Variants in ADCY8 observed in about 807,000 individuals in gnomAD.
ADCY8 encodes adenylate cyclase 8.
ADCY8 carries 51 observed loss-of-function variants against 119.7 expected under a neutral mutation model. The ratio of observed to expected loss-of-function variants is 0.43; its 90% CI spans 0.34 to 0.54. ADCY8 has a LOEUF of 0.54. Among genes scored for constraint, ADCY8 ranks in the 20% least tolerant of loss-of-function variants. The probability of loss-of-function intolerance (pLI) is 0.03; values close to 1 mark genes in which losing one functional copy is unlikely to be tolerated. For synonymous variants in ADCY8, 665 were observed against 651.0 expected, an observed-to-expected ratio of 1.02 and a Z score of -0.33; for missense variants, 1,383 against 1,598.8, an observed-to-expected ratio of 0.87 and a Z score of 2.30.
At chr8:130,867,329 G>T (rs993209468) in intron 9 of ADCY8, among the ~76,000 whole-genome samples, 6 of 152,138 alleles carry the variant, frequency 3.9e-5, no homozygotes, top group African/African-American at 1.4e-4. Flanking sequence ...ACTATTATGA[G>T]CCTCAGTTCC....
intron 2 of ADCY8, among the ~76,000 whole-genome samples, chr8:130,968,112 A>G (rs1028317658): frequency 6.6e-6 from 1 of 152,142 alleles, no homozygotes; most frequent in African/African-American, 2.4e-5. Flanking sequence ...TGCAGGCAAT[A>G]AGAGGGACCG....
chr8:130,786,156 T>C (rs1196135470), intron 15 of ADCY8, among the ~76,000 whole-genome samples: 1 of 152,248 alleles, frequency 6.6e-6, no homozygotes, highest in Non-Finnish European at 1.5e-5. Context: ...ATCCCTGATA[T>C]TGCTTATTTA....
intron 1 of ADCY8, among the ~76,000 whole-genome samples, chr8:131,027,159 C>T (rs1374093147): frequency 6.6e-6 from 1 of 152,200 alleles, no homozygotes; most frequent in Admixed American, 6.5e-5. Flanking sequence ...CTCTGCCCCT[C>T]CTTTCCTTAA....
At chr8:130,788,598 G>C (rs1020473878) in intron 15 of ADCY8, among the ~76,000 whole-genome samples, 2 of 151,858 alleles carry the variant, frequency 1.3e-5, no homozygotes, top group Non-Finnish European at 2.9e-5. Flanking sequence ...ATAATATACT[G>C]TATATTTAAA....
intron 7 of ADCY8, among the ~76,000 whole-genome samples, chr8:130,885,922 G>A (rs1308963034): frequency 6.6e-6 from 1 of 152,062 alleles, no homozygotes; most frequent in Admixed American, 6.6e-5. Context: ...TGTGAGAGGT[G>A]ACATAGGACC....
chr8:130,787,493 TA>T (rs1815284099), intron 15 of ADCY8, among the ~76,000 whole-genome samples: 1 of 151,948 alleles, frequency 6.6e-6, no homozygotes, highest in African/African-American at 2.4e-5. Flanking sequence ...TATATGTGCA[TA>T]TATGTGTGTA....
At chr8:130,943,225 A>C (rs1447697863) in intron 4 of ADCY8, 126 bp downstream of exon 4, 1 of 659,164 alleles carries the variant, frequency 1.5e-6, no homozygotes, top group Non-Finnish European at 2.7e-6. Context: ...GTCAGGGTCC[A>C]TGCCTAGGGA....
At chr8:130,908,328 A>C (rs1819858092) in intron 6 of ADCY8, among the ~76,000 whole-genome samples, 1 of 152,232 alleles carries the variant, frequency 6.6e-6, no homozygotes, top group African/African-American at 2.4e-5. Context: ...TTGTTTGTCT[A>C]AATTCAGCAG....
chr8:130,900,588 C>T (rs141976465), intron 7 of ADCY8, among the ~76,000 whole-genome samples: 1 of 152,326 alleles, frequency 6.6e-6, no homozygotes, highest in East Asian at 1.9e-4. Flanking sequence ...TGGCCCCTTC[C>T]TTCTTAAAAT....
intron 10 of ADCY8, 80 bp downstream of exon 10, chr8:130,849,522 G>T (rs1817444178): frequency 1.4e-6 from 2 of 1,434,006 alleles, no homozygotes; most frequent in African/African-American, 2.8e-5. Context: ...GAAGGGTAAT[G>T]CAGGAAGCTG....
At chr8:130,954,435 C>A (rs1420234325) in intron 2 of ADCY8, among the ~76,000 whole-genome samples, 1 of 152,180 alleles carries the variant, frequency 6.6e-6, no homozygotes. Context: ...TGTGATCTGA[C>A]CATTCATCAG....
chr8:130,822,946 C>A (rs1298721736), intron 12 of ADCY8, among the ~76,000 whole-genome samples: 1 of 152,174 alleles, frequency 6.6e-6, no homozygotes, highest in Admixed American at 6.5e-5. Context: ...TGTGAAGCAC[C>A]TGACACATCA....
chr8:131,011,179 A>C (rs991762679), intron 1 of ADCY8, among the ~76,000 whole-genome samples: 1 of 151,816 alleles, frequency 6.6e-6, no homozygotes, highest in Non-Finnish European at 1.5e-5. Context: ...TGAATGAAAA[A>C]AAAAAAAAGA....
intron 1 of ADCY8, among the ~76,000 whole-genome samples, chr8:131,036,809 T>C (rs901438850): frequency 1.3e-5 from 2 of 152,176 alleles, no homozygotes; most frequent in South Asian, 2.1e-4. Context: ...AATAGCATAT[T>C]TGGAGCCTAA....
chr8:130,808,755 T>G (rs1816064739), intron 14 of ADCY8, among the ~76,000 whole-genome samples: 1 of 152,312 alleles, frequency 6.6e-6, no homozygotes, highest in African/African-American at 2.4e-5. Context: ...ATTTCCCCTA[T>G]TAATCAGATG....
chr8:130,855,348 G>T (rs1817693996), intron 9 of ADCY8, among the ~76,000 whole-genome samples: 2 of 152,210 alleles, frequency 1.3e-5, no homozygotes, highest in Admixed American at 6.5e-5. Context: ...GGGTAAATGG[G>T]CTACCCAATT....
intron 1 of ADCY8, among the ~76,000 whole-genome samples, chr8:131,011,252 CT>C (rs1422647117): frequency 1.3e-5 from 2 of 152,048 alleles, no homozygotes; most frequent in African/African-American, 4.8e-5. Flanking sequence ...GAGAAGGCTC[CT>C]CATGTGGACA....
intron 15 of ADCY8, among the ~76,000 whole-genome samples, chr8:130,787,017 G>A (rs1282582093): frequency 2.6e-5 from 4 of 152,090 alleles, no homozygotes; most frequent in African/African-American, 7.2e-5. Flanking sequence ...GTGAAGACGA[G>A]GTCAGTTTGG....
intron 2 of ADCY8, among the ~76,000 whole-genome samples, chr8:130,973,771 G>A (rs945461805): frequency 6.6e-6 from 1 of 152,204 alleles, no homozygotes; most frequent in Non-Finnish European, 1.5e-5. Flanking sequence ...GTGTGTGGCT[G>A]TTGTCACCTA....
Sources: gnomAD v4.1 joint callset for allele counts (sites outside exome capture counted in the v4.1 genomes callset) on GRCh38, gnomAD v4.1.1 for gene constraint, MANE v1.5 for transcripts, NCBI Gene and HGNC (gene_info 2026-07-23, HGNC 2026-07-21) for gene names.